The following LDB2 variants were observed in gnomAD, a reference collection of about 807,000 sequenced individuals.
LDB2 encodes the protein LIM domain binding 2, also known as LIM domain-binding protein 2.
A neutral mutation model predicts 44.3 loss-of-function variants in LDB2; 12 were observed. The observed-to-expected ratio is 0.27, with a 90% CI of 0.17 to 0.44. The LOEUF is 0.44. Among genes scored for constraint, LDB2 ranks in the 20% least tolerant of loss-of-function variants. The probability of loss-of-function intolerance (pLI) is 1.00; values close to 1 mark genes in which losing one functional copy is unlikely to be tolerated. For missense variants in LDB2, 344 were observed against 473.5 expected, an observed-to-expected ratio of 0.73 and a Z score of 2.54; for synonymous variants, 164 against 174.8, an observed-to-expected ratio of 0.94 and a Z score of 0.49.
At chr4:16,559,516 C>G (rs1399512381) in intron 5 of LDB2, among the ~76,000 whole-genome samples, 5 of 152,210 alleles carry the variant, frequency 3.3e-5, no homozygotes, top group Non-Finnish European at 7.3e-5. Context: ...GAAGAGCTAA[C>G]TATCCTAAAT....
At chr4:16,748,284 C>A (rs1172027611) in intron 2 of LDB2, among the ~76,000 whole-genome samples, 1 of 152,010 alleles carries the variant, frequency 6.6e-6, no homozygotes, top group Non-Finnish European at 1.5e-5. Flanking sequence ...AAGGAGAATA[C>A]CAATTGGGAA....
chr4:16,763,283 A>G (rs989845155), intron 1 of LDB2, among the ~76,000 whole-genome samples: 4 of 152,226 alleles, frequency 2.6e-5, no homozygotes, highest in Admixed American at 1.3e-4. Flanking sequence ...TTATCGTGGC[A>G]TCACAAACTC....
intron 5 of LDB2, among the ~76,000 whole-genome samples, chr4:16,554,851 C>A (rs1738950878): frequency 6.6e-6 from 1 of 152,172 alleles, no homozygotes; most frequent in Non-Finnish European, 1.5e-5. Flanking sequence ...GGATTCATGT[C>A]ATTATAAATT....
chr4:16,882,734 C>A (rs1720520649), intron 1 of LDB2, among the ~76,000 whole-genome samples: 2 of 151,480 alleles, frequency 1.3e-5, no homozygotes, highest in South Asian at 4.2e-4. Context: ...TTTCAACAGA[C>A]AAATGTGAAG....
intron 2 of LDB2, among the ~76,000 whole-genome samples, chr4:16,659,669 G>A (rs1578550217): frequency 1.4e-5 from 1 of 69,478 alleles, no homozygotes; most frequent in African/African-American, 5.1e-5. Flanking sequence ...ATATCTATGT[G>A]TGTATATATA....
intron 1 of LDB2, among the ~76,000 whole-genome samples, chr4:16,779,555 C>T (rs534258510): frequency 4.6e-5 from 7 of 152,068 alleles, no homozygotes; most frequent in Non-Finnish European, 1.0e-4. Flanking sequence ...TGGGAAGACA[C>T]GAGGTGAGTA....
chr4:16,740,890 A>G (rs988118580), intron 2 of LDB2, among the ~76,000 whole-genome samples: 1 of 152,230 alleles, frequency 6.6e-6, no homozygotes, highest in African/African-American at 2.4e-5. Context: ...CCTTTTAAAT[A>G]CAACTTTCAG....
intron 2 of LDB2, among the ~76,000 whole-genome samples, chr4:16,746,805 T>C (rs1561082905): frequency 6.6e-6 from 1 of 151,818 alleles, no homozygotes; most frequent in Non-Finnish European, 1.5e-5. Context: ...AATAACTAAT[T>C]AAAAAAATGG....
chr4:16,566,910 A>C (rs1036516071), intron 5 of LDB2, among the ~76,000 whole-genome samples: 3 of 152,336 alleles, frequency 2.0e-5, no homozygotes, highest in South Asian at 2.1e-4. Flanking sequence ...ATCTCCTGTC[A>C]TAAGAGACAT....
chr4:16,692,812 T>G (rs1325783814), intron 2 of LDB2, among the ~76,000 whole-genome samples: 6 of 152,186 alleles, frequency 3.9e-5, no homozygotes. Flanking sequence ...TATTCGCTTT[T>G]GTGTTTCTCA....
intron 1 of LDB2, among the ~76,000 whole-genome samples, chr4:16,855,069 T>G (rs1050038349): frequency 6.6e-6 from 1 of 152,060 alleles, no homozygotes; most frequent in Non-Finnish European, 1.5e-5. Flanking sequence ...GCCTACAAAA[T>G]AATGCTCAAC....
intron 1 of LDB2, among the ~76,000 whole-genome samples, chr4:16,812,612 A>C (rs888307232): frequency 1.0e-3 from 98 of 97,438 alleles, no homozygotes; most frequent in Non-Finnish European, 1.4e-3. Context: ...ATATATATAT[A>C]TATCTGTGTA....
At chr4:16,864,679 C>T (rs1239971968) in intron 1 of LDB2, among the ~76,000 whole-genome samples, 1 of 152,168 alleles carries the variant, frequency 6.6e-6, no homozygotes, top group Non-Finnish European at 1.5e-5. Context: ...AATCTTAGCA[C>T]TTTGGGAGGC....
At chr4:16,673,165 G>C (rs1395263184) in intron 2 of LDB2, among the ~76,000 whole-genome samples, 1 of 152,132 alleles carries the variant, frequency 6.6e-6, no homozygotes, top group Non-Finnish European at 1.5e-5. Context: ...AAAGGGGCAT[G>C]AATCCACTTC....
intron 2 of LDB2, among the ~76,000 whole-genome samples, chr4:16,615,246 A>G (rs1323274448): frequency 6.6e-6 from 1 of 152,152 alleles, no homozygotes; most frequent in Non-Finnish European, 1.5e-5. Context: ...CAGCCATCTC[A>G]TTACTGGATA....
chr4:16,664,337 A>T (rs1203733551), intron 2 of LDB2, among the ~76,000 whole-genome samples: 1 of 152,232 alleles, frequency 6.6e-6, no homozygotes, highest in Non-Finnish European at 1.5e-5. Flanking sequence ...CGCAGCCTCC[A>T]GAACTATAAG....
At chr4:16,694,165 C>T (rs1751530647) in intron 2 of LDB2, among the ~76,000 whole-genome samples, 1 of 152,186 alleles carries the variant, frequency 6.6e-6, no homozygotes, top group African/African-American at 2.4e-5. Context: ...AAAGCTTCTT[C>T]AGTTGGGATT....
At chr4:16,758,706 C>T (rs1468699122) in intron 2 of LDB2, among the ~76,000 whole-genome samples, 1 of 152,196 alleles carries the variant, frequency 6.6e-6, no homozygotes, top group East Asian at 1.9e-4. Flanking sequence ...AAAAAGATAG[C>T]ACTTGTCAAA....
At chr4:16,564,251 C>T (rs929808839) in intron 5 of LDB2, among the ~76,000 whole-genome samples, 1 of 152,138 alleles carries the variant, frequency 6.6e-6, no homozygotes, top group Admixed American at 6.5e-5. Context: ...AGCCTCAGTC[C>T]CCAGGAGGCT....
Sources: allele counts gnomAD v4.1 joint callset (sites outside exome capture counted in the v4.1 genomes callset), GRCh38; gene constraint gnomAD v4.1.1; transcripts MANE v1.5; gene names NCBI Gene and HGNC (gene_info 2026-07-23, HGNC 2026-07-21).